DHRS12: variants seen among roughly 807,000 people sequenced by gnomAD.
DHRS12 encodes the protein dehydrogenase/reductase 12, also known as dehydrogenase/reductase SDR family member 12.
DHRS12 carries 29 observed loss-of-function variants against 32.1 expected under a neutral mutation model. The observed-to-expected ratio is 0.90, with a 90% confidence interval of 0.67 to 1.23. The LOEUF (loss-of-function observed/expected upper bound fraction) is 1.23. Among genes scored for constraint, DHRS12 ranks in the 50% most tolerant of loss-of-function variants. DHRS12 has a pLI of 0.00. For missense variants in DHRS12, 330 were observed against 337.2 expected (o/e 0.98, Z 0.17); for synonymous variants, 150 against 135.9 (o/e 1.10, Z -0.72).
intron 1 of DHRS12, 155 bp downstream of exon 1, chr13:51,803,899 G>C: frequency 3.2e-6 from 2 of 625,762 alleles, no homozygotes; most frequent in Non-Finnish European, 4.6e-6. Context: ...GCCGTGGGTC[G>C]CTAGACGGCG....
At chr13:51,767,781 CGG>C (rs71085096), downstream of DHRS12, 19 of 4,686 alleles carry the variant, frequency 4.1e-3, no homozygotes, top group Admixed American at 9.3e-3. Context: ...TCTCCTGGGG[CGG>C]GGGGGGGGGG....
intron 8 of DHRS12, chr13:51,768,523 G>GACC (rs1260909694): frequency 2.1e-6 from 3 of 1,399,214 alleles, no homozygotes; most frequent in Non-Finnish European, 2.8e-6. Context: ...CTGGACGGGA[G>GACC]ACCACGTTTG....
chr13:51,803,996 C>G (rs977656050), intron 1 of DHRS12, 58 bp downstream of exon 1: 1 of 1,399,572 alleles, frequency 7.1e-7, no homozygotes, highest in Non-Finnish European at 9.3e-7. Flanking sequence ...CCTGCTCGCC[C>G]GCGCCGAGGC....
chr13:51,793,830 A>G (rs527284062), intron 2 of DHRS12, among the ~76,000 whole-genome samples: 6 of 152,336 alleles, frequency 3.9e-5, no homozygotes, highest in African/African-American at 9.6e-5. Flanking sequence ...TGTATACAAA[A>G]TCCAGGTTAA....
At chr13:51,764,992 C>G (rs1953703683), downstream of DHRS12, 1 of 152,226 alleles carries the variant, frequency 6.6e-6, no homozygotes, top group Non-Finnish European at 1.5e-5. Flanking sequence ...CAGCTGCTGC[C>G]CTCCACTTCC....
chr13:51,791,103 T>A, intron 3 of DHRS12, 62 bp downstream of exon 3: 2 of 1,191,132 alleles, frequency 1.7e-6, no homozygotes, highest in Non-Finnish European at 2.4e-6. Context: ...TCCGTCCACA[T>A]CCACAGACGG....
intron 4 of DHRS12, among the ~76,000 whole-genome samples, chr13:51,778,831 T>A (rs1954566670): frequency 6.6e-6 from 1 of 151,968 alleles, no homozygotes; most frequent in South Asian, 2.1e-4. Context: ...CAGGTGCTTT[T>A]AAAAAAACTC....
the DHRS12 span, chr13:51,759,663 T>G: frequency 6.9e-7 from 1 of 1,449,948 alleles, no homozygotes; most frequent in African/African-American, 1.4e-5. Context: ...AAAAATTTCC[T>G]TGAAGAATTC....
chr13:51,799,094 C>T lies in DHRS12; in HGVS notation c.126+440G>A, dbSNP rs116329765. Among the ~76,000 whole-genome samples the T allele has an allele frequency of 2.9e-3, 437 of 152,348 alleles. 2 individuals are homozygous for T. Among genetic ancestry groups the T allele is most frequent in the African/African-American group, 9.3e-3 (387 of 41,570 alleles). Reference sequence around the variant, plus strand: ...GTATTTTGGGGGCCTTGGTTCATAACTACCATCCACATCCAAATTGCAGTG... The same window carrying T: ...GTATTTTGGGGGCCTTGGTTCATAATTACCATCCACATCCAAATTGCAGTG... On this transcript the variant is annotated intron_variant, in intron 2 of 8. Coordinates refer to ENST00000444610, the MANE Select transcript of DHRS12 (RefSeq NM_001377533.1).
the DHRS12 span, chr13:51,759,877 T>C: frequency 1.6e-6 from 2 of 1,273,552 alleles, no homozygotes; most frequent in Non-Finnish European, 2.2e-6. Flanking sequence ...AGAAAGAAAC[T>C]AAAGACCCTG....
intron 2 of DHRS12, among the ~76,000 whole-genome samples, chr13:51,798,688 T>C (rs144029281): frequency 5.3e-5 from 8 of 152,126 alleles, no homozygotes; most frequent in Non-Finnish European, 1.0e-4. Context: ...TCAAATGATA[T>C]AATAGTCCCC....
chr13:51,789,584 G>A, intron 4 of DHRS12: 4 of 985,410 alleles, frequency 4.1e-6, no homozygotes, highest in Non-Finnish European at 4.8e-6. Flanking sequence ...CTATTACAGA[G>A]TAGCAACCAG....
At chr13:51,757,808 T>C in the DHRS12 span, among the ~76,000 whole-genome samples, 1 of 150,972 alleles carries the variant, frequency 6.6e-6, no homozygotes, top group Middle Eastern at 3.2e-3. Flanking sequence ...AGTAATATCA[T>C]GGGACACTTA....
rs769040783 is a variant in DHRS12 at position 51,790,001 on chromosome 13, T to C, written c.301+10A>G. ...TGCTAAAAACAAATAAGAAAACTTC[T>C]TGTACTTACCCAGAGTATTGGCAGC... is the stretch of plus-strand genomic sequence containing the variant. On this transcript the variant is annotated intron_variant, in intron 4 of 8. Coordinates refer to ENST00000444610, the MANE Select transcript of DHRS12 (RefSeq NM_001377533.1). The C allele has an allele frequency of 6.3e-7, 1 of 1,588,910 alleles. No homozygotes were observed. The highest frequency in any genetic ancestry group is 1.2e-5 in the South Asian group (1 of 85,746).
chr13:51,756,366 G>T, the DHRS12 span: 2 of 1,613,892 alleles, frequency 1.2e-6, no homozygotes, highest in Non-Finnish European at 1.7e-6. Flanking sequence ...GCCGTCTGTG[G>T]CAAGTGCAGC....
intron 4 of DHRS12, among the ~76,000 whole-genome samples, chr13:51,788,518 C>T (rs947401013): frequency 6.6e-6 from 1 of 152,056 alleles, no homozygotes. Context: ...CTTGGACCTT[C>T]TTCCATCTGC....
the DHRS12 span, among the ~76,000 whole-genome samples, chr13:51,756,976 T>C: frequency 6.6e-6 from 1 of 152,214 alleles, no homozygotes; most frequent in Non-Finnish European, 1.5e-5. Flanking sequence ...TACCCCTTGG[T>C]GTGCTGTGGA....
intron 1 of DHRS12, among the ~76,000 whole-genome samples, chr13:51,803,049 T>C (rs1211401705): frequency 6.6e-6 from 1 of 152,216 alleles, no homozygotes; most frequent in African/African-American, 2.4e-5. Context: ...TGCCACTGTA[T>C]TCCCCTAAAA....
chr13:51,768,943 T>C, intron 8 of DHRS12: 1 of 1,399,386 alleles, frequency 7.1e-7, no homozygotes, highest in Non-Finnish European at 9.3e-7. Context: ...ATGACAGGGT[T>C]ATCACAAGTC....
Sources: allele counts gnomAD v4.1 joint callset (sites outside exome capture counted in the v4.1 genomes callset), GRCh38; gene constraint gnomAD v4.1.1; transcripts MANE v1.5; gene names NCBI Gene and HGNC (gene_info 2026-07-23, HGNC 2026-07-21).